Variants in PHACTR3 observed in about 807,000 individuals in gnomAD.
The protein encoded by PHACTR3 is phosphatase and actin regulator 3.
Under a neutral mutation model 66.8 loss-of-function variants are expected in PHACTR3, and 16 were observed. The observed-to-expected ratio is 0.24, with a 90% CI of 0.16 to 0.36. PHACTR3 has a LOEUF of 0.36. PHACTR3 is among the 10% of genes least tolerant of loss of function. The pLI is 1.00. For synonymous variants in PHACTR3, 323 were observed against 292.1 expected (o/e 1.11, Z -1.08); for missense variants, 647 against 719.9 (o/e 0.90, Z 1.16).
intron 7 of PHACTR3, among the ~76,000 whole-genome samples, chr20:59,790,543 A>G (rs2041059139): frequency 6.6e-6 from 1 of 152,254 alleles, no homozygotes; most frequent in Admixed American, 6.5e-5. Context: ...GTGTCCATTC[A>G]TGGTGAGCTG....
intron 1 of PHACTR3, among the ~76,000 whole-genome samples, chr20:59,615,869 GAT>G (rs1376376082): frequency 6.6e-6 from 1 of 152,224 alleles, no homozygotes; most frequent in Non-Finnish European, 1.5e-5. Flanking sequence ...GTCATATGTA[GAT>G]ACAGGAGAGG....
chr20:59,653,722 A>G (rs2035530477), intron 1 of PHACTR3, among the ~76,000 whole-genome samples: 1 of 152,210 alleles, frequency 6.6e-6, no homozygotes, highest in African/African-American at 2.4e-5. Context: ...TTATGAAAGA[A>G]AAGAGATAAG....
chr20:59,821,300 G>T (rs2042022904), intron 8 of PHACTR3, among the ~76,000 whole-genome samples: 1 of 152,104 alleles, frequency 6.6e-6, no homozygotes, highest in Non-Finnish European at 1.5e-5. Context: ...GTCAGGACTG[G>T]CATGGTTGTT....
intron 7 of PHACTR3, among the ~76,000 whole-genome samples, chr20:59,804,171 G>A (rs1015842312): frequency 2.6e-5 from 4 of 152,168 alleles, no homozygotes; most frequent in East Asian, 3.8e-4. Context: ...GTAAGTTTTT[G>A]TTGTGGTCCT....
At chr20:59,577,530 C>G (rs994288041) in exon 1 of PHACTR3, 12 of 1,160,842 alleles carry the variant, frequency 1.0e-5, no homozygotes, top group Admixed American at 4.7e-5. Flanking sequence ...TGGCGGGGGG[C>G]GCGCCCGCTG....
intron 1 of PHACTR3, among the ~76,000 whole-genome samples, chr20:59,700,941 C>T (rs1378321556): frequency 6.7e-6 from 1 of 148,380 alleles, no homozygotes; most frequent in East Asian, 2.0e-4. Flanking sequence ...AGGTGCACCA[C>T]ACTATGTCTG....
At chr20:59,793,208 G>T (rs2041156413) in intron 7 of PHACTR3, among the ~76,000 whole-genome samples, 1 of 152,122 alleles carries the variant, frequency 6.6e-6, no homozygotes, top group Admixed American at 6.6e-5. Context: ...ATATCTTGAA[G>T]TCAGGTAGTG....
chr20:59,743,543 C>G (rs988482599), intron 2 of PHACTR3, among the ~76,000 whole-genome samples: 1 of 152,210 alleles, frequency 6.6e-6, no homozygotes, highest in Non-Finnish European at 1.5e-5. Context: ...CCACTGGGAC[C>G]TTGTTAAAAA....
chr20:59,686,671 G>GTGA (rs1322091687), intron 1 of PHACTR3, among the ~76,000 whole-genome samples: 2 of 148,088 alleles, frequency 1.4e-5, no homozygotes, highest in African/African-American at 5.0e-5. Context: ...GATGATGATG[G>GTGA]TGATGATGAT....
intron 1 of PHACTR3, among the ~76,000 whole-genome samples, chr20:59,715,647 C>T (rs557372082): frequency 7.0e-4 from 107 of 152,178 alleles, no homozygotes; most frequent in African/African-American, 2.2e-3. Flanking sequence ...AAATTGATTC[C>T]CTCATGTTTT....
intron 7 of PHACTR3, among the ~76,000 whole-genome samples, chr20:59,775,340 C>T (rs767737071): frequency 9.9e-5 from 15 of 152,156 alleles, no homozygotes; most frequent in Non-Finnish European, 2.1e-4. Context: ...GGAAGCATCT[C>T]ATGGTGACTG....
At chr20:59,806,272 G>C in intron 8 of PHACTR3, 78 bp downstream of exon 8, 1 of 1,542,722 alleles carries the variant, frequency 6.5e-7, no homozygotes, top group Admixed American at 1.9e-5. Context: ...CCCACATCCT[G>C]GGTGTGCCAG....
At chr20:59,728,890 T>G (rs2038662899) in intron 1 of PHACTR3, among the ~76,000 whole-genome samples, 1 of 150,368 alleles carries the variant, frequency 6.7e-6, no homozygotes, top group Admixed American at 6.6e-5. Flanking sequence ...GGTGGGAGGG[T>G]GCTTGGATGT....
chr20:59,688,120 A>C (rs1385887856), intron 1 of PHACTR3, among the ~76,000 whole-genome samples: 2 of 152,060 alleles, frequency 1.3e-5, no homozygotes, highest in Non-Finnish European at 1.5e-5. Context: ...ATATTTTTGG[A>C]TATTGATTCT....
At chr20:59,753,414 A>G (rs900672473) in intron 3 of PHACTR3, among the ~76,000 whole-genome samples, 2 of 152,174 alleles carry the variant, frequency 1.3e-5, no homozygotes, top group Non-Finnish European at 2.9e-5. Flanking sequence ...AATCTCTTCC[A>G]GGGTCCCAGG....
intron 7 of PHACTR3, among the ~76,000 whole-genome samples, chr20:59,778,622 G>A (rs546303309): frequency 2.6e-5 from 4 of 152,340 alleles, no homozygotes; most frequent in South Asian, 2.1e-4. Context: ...TGGGCTCCGC[G>A]AGACCAAGTC....
intron 5 of PHACTR3, among the ~76,000 whole-genome samples, chr20:59,767,626 A>T (rs2040224182): frequency 6.6e-6 from 1 of 152,050 alleles, no homozygotes; most frequent in Non-Finnish European, 1.5e-5. Context: ...CTTACCAAGG[A>T]AACTGTGGTT....
chr20:59,759,895 T>C (rs1355697908), intron 4 of PHACTR3, among the ~76,000 whole-genome samples: 1 of 152,176 alleles, frequency 6.6e-6, no homozygotes, highest in Non-Finnish European at 1.5e-5. Flanking sequence ...GCTTCTCTCC[T>C]TGACCTTGGA....
chr20:59,782,373 T>C (rs1479875939), intron 7 of PHACTR3, among the ~76,000 whole-genome samples: 2 of 152,154 alleles, frequency 1.3e-5, no homozygotes, highest in African/African-American at 4.8e-5. Flanking sequence ...TGCCCCAGCC[T>C]CCCAAGTAGC....
Sources: gnomAD v4.1 joint callset for allele counts (sites outside exome capture counted in the v4.1 genomes callset) on GRCh38, gnomAD v4.1.1 for gene constraint, MANE v1.5 for transcripts, NCBI Gene and HGNC (gene_info 2026-07-23, HGNC 2026-07-21) for gene names.